LMO3: variants seen among roughly 807,000 people sequenced by gnomAD.
LMO3 encodes the protein LIM domain only 3.
LMO3 carries 2 observed loss-of-function variants against 15.8 expected under a neutral mutation model. That is an observed-to-expected ratio of 0.13 (90% CI 0.05 to 0.40). The LOEUF (loss-of-function observed/expected upper bound fraction) is 0.40. LMO3 is among the 10% of genes least tolerant of loss of function. The pLI is 0.99. For missense variants in LMO3, 86 were observed against 182.2 expected (o/e 0.47, Z 3.04); for synonymous variants, 62 against 63.8 (o/e 0.97, Z 0.13).
At chr12:16,574,781 C>A (rs1942939139) in intron 2 of LMO3, among the ~76,000 whole-genome samples, 1 of 152,138 alleles carries the variant, frequency 6.6e-6, no homozygotes, top group South Asian at 2.1e-4. Flanking sequence ...TTAATCCTTA[C>A]CATACATTTT....
rs1484083957 is a variant in LMO3, at chr12:16,597,659, C to T, written c.206+2996G>A. 1.3e-5 allele frequency: 2 copies of T among 151,816 alleles called. No homozygotes were observed. Among genetic ancestry groups the T allele is most frequent in the African/African-American group, 2.4e-5 (1 of 41,390 alleles). The allele number at this position is 151,816 out of a possible 1,614,324, so 9.4% of individuals were successfully genotyped here. ...TTACTATTTTATTACTTTCCTTATTCTTACTTATGTTCTTAATAATTTAGA... is the reference window on the plus strand; with the variant it reads ...TTACTATTTTATTACTTTCCTTATTTTTACTTATGTTCTTAATAATTTAGA... On this transcript the variant is annotated intron_variant, in intron 2 of 3. Transcript: ENST00000537304. The surrounding 1 kb of genome is among the most constrained non-coding windows in gnomAD (Gnocchi z 5.0).
In LMO3 at chr12:16,603,150, C is replaced by T. The variant is rs1391159906; in HGVS notation, c.-8-2282G>A. ...AGTAACACTACCCTACTTGTCTTCA[C>T]AAAATGTTTTTGTTGTGTTGACATT... is the stretch of plus-strand genomic sequence containing the variant. On this transcript the variant is annotated intron_variant, in intron 1 of 3. Transcript: ENST00000537304. This position sits in a 1 kb window ranked among gnomAD's most constrained non-coding sequence, Gnocchi z 4.9. 6.6e-6 allele frequency among the ~76,000 whole-genome samples: 1 copy of T among 152,136 alleles called. No individual in the cohort carries two copies. Among genetic ancestry groups the T allele is most frequent in the Non-Finnish European group, 1.5e-5 (1 of 68,030 alleles).
At chr12:16,554,502 C>T (rs774495234) in intron 3 of LMO3, among the ~76,000 whole-genome samples, 1 of 152,130 alleles carries the variant, frequency 6.6e-6, no homozygotes, top group African/African-American at 2.4e-5. Context: ...CCACTATACA[C>T]CTGTGAACAA....
chr12:16,594,497 T>C (rs1326158759), intron 2 of LMO3, among the ~76,000 whole-genome samples: 1 of 151,632 alleles, frequency 6.6e-6, no homozygotes, highest in Non-Finnish European at 1.5e-5. Context: ...ATATATTGTA[T>C]TTTTTATTGA....
Position 16,584,590 on chromosome 12 carries a change from G to A in LMO3, c.206+16065C>T, listed in dbSNP as rs377260965. On this transcript the variant is annotated intron_variant, in intron 2 of 3. Transcript: ENST00000537304. This position sits in a 1 kb window ranked among gnomAD's most constrained non-coding sequence, Gnocchi z 5.2. ...AACATTGGCAAGTGGAGGAGTGGGG[G>A]GGGTAAGAGGCCTGTTTAGAGGTGG... is the stretch of plus-strand genomic sequence containing the variant. Among the ~76,000 whole-genome samples, 12 of 152,086 alleles carry A rather than the reference G, an allele frequency of 7.9e-5. No individual in the cohort carries two copies. The highest frequency in any genetic ancestry group is 1.6e-4 in the Non-Finnish European group (11 of 68,024).
chr12:16,602,340 A>T (rs1943848777), intron 1 of LMO3: 1 of 149,848 alleles, frequency 6.7e-6, no homozygotes, highest in Non-Finnish European at 1.5e-5. Flanking sequence ...TAAAAAAAAA[A>T]TCCCACTGGT....
rs1174942231 is a variant in LMO3, at chr12:16,593,179, G to T, written c.206+7476C>A. 6.6e-6 allele frequency among the ~76,000 whole-genome samples: 1 copy of T among 151,804 alleles called. No homozygotes were observed. Among genetic ancestry groups the T allele is most frequent in the Non-Finnish European group, 1.5e-5 (1 of 67,824 alleles). On this transcript the variant is annotated intron_variant, in intron 2 of 3. Coordinates refer to ENST00000537304, the MANE Select transcript of LMO3 (RefSeq NM_018640.5). The surrounding 1 kb of genome is among the most constrained non-coding windows in gnomAD (Gnocchi z 4.2). ...TTTTTATTAATAGCTTGGGTTTAAT[G>T]TGGACGATGCTTCACTGCATTAGTG...
intron 2 of LMO3, among the ~76,000 whole-genome samples, chr12:16,566,037 TATAA>T (rs1942597266): frequency 5.8e-5 from 5 of 86,166 alleles, no homozygotes; most frequent in East Asian, 3.6e-4. Context: ...TATATATATA[TATAA>T]AATGGAGTAC....
intron 3 of LMO3, among the ~76,000 whole-genome samples, chr12:16,554,090 G>A (rs1220942321): frequency 2.0e-5 from 3 of 152,022 alleles, no homozygotes; most frequent in African/African-American, 7.2e-5. Flanking sequence ...CTGATGTTTT[G>A]GAATTAATAT....
At chr12:16,595,090 G>A (rs1049583830) in intron 2 of LMO3, among the ~76,000 whole-genome samples, 3 of 151,354 alleles carry the variant, frequency 2.0e-5, no homozygotes, top group African/African-American at 7.3e-5. Context: ...GCTAAGTCAG[G>A]TATGTCTAAC....
At chr12:16,561,290 A>G (rs199966099) in intron 2 of LMO3, among the ~76,000 whole-genome samples, 1 of 152,198 alleles carries the variant, frequency 6.6e-6, no homozygotes, top group Admixed American at 6.5e-5. Flanking sequence ...GTGAGGAAAT[A>G]TTTTATCCAT....
chr12:16,609,756 A>C (rs1439912974), upstream of LMO3: 9 of 152,160 alleles, frequency 5.9e-5, no homozygotes, highest in Admixed American at 5.9e-4. Flanking sequence ...GAGATCTCCC[A>C]CAAGAAAATA....
chr12:16,602,782 C>T (rs1943864341), intron 1 of LMO3, among the ~76,000 whole-genome samples: 2 of 152,130 alleles, frequency 1.3e-5, no homozygotes, highest in South Asian at 4.1e-4. Context: ...TTACAGTGAA[C>T]AACAGATCCA....
At chr12:16,558,552 C>T (rs1339983329) in intron 3 of LMO3, among the ~76,000 whole-genome samples, 1 of 151,928 alleles carries the variant, frequency 6.6e-6, no homozygotes, top group Non-Finnish European at 1.5e-5. Flanking sequence ...ATCCTTATCC[C>T]TACCAAAAAC....
At chr12:16,605,678 A>T in intron 1 of LMO3, 1 of 1,285,810 alleles carries the variant, frequency 7.8e-7, no homozygotes, top group Non-Finnish European at 1.1e-6. Context: ...CTAATTCCAA[A>T]CTCTCCCTGC....
At chr12:16,563,116 G>A (rs931432399) in intron 2 of LMO3, among the ~76,000 whole-genome samples, 3 of 152,192 alleles carry the variant, frequency 2.0e-5, no homozygotes, top group Admixed American at 6.5e-5. Flanking sequence ...ATATCCTAAT[G>A]ATGAATTATT....
At position 16,576,263 on chromosome 12, in the gene LMO3, G is replaced by A. The variant is rs999222670; in HGVS notation, c.207-15725C>T. Reference sequence around the variant, plus strand: ...CTACTGTATGCAGGATAGATGCAGGGAAGCATGAAAGGTCCATCCTGTCTG... The same window carrying A: ...CTACTGTATGCAGGATAGATGCAGGAAAGCATGAAAGGTCCATCCTGTCTG... On this transcript the variant is annotated intron_variant, in intron 2 of 3. Transcript: ENST00000537304. The surrounding 1 kb of genome is among the most constrained non-coding windows in gnomAD (Gnocchi z 4.1). 6.6e-6 allele frequency among the ~76,000 whole-genome samples: 1 copy of A among 152,056 alleles called. No homozygotes were observed. Among genetic ancestry groups the A allele is most frequent in the Non-Finnish European group, 1.5e-5 (1 of 68,014 alleles).
chr12:16,577,111 T>G (rs774903456), intron 2 of LMO3, among the ~76,000 whole-genome samples: 3 of 152,182 alleles, frequency 2.0e-5, no homozygotes, highest in Non-Finnish European at 2.9e-5. Flanking sequence ...GCAGAAAACT[T>G]GTGACTGGTA....
chr12:16,551,358 TAA>T (rs1481599282), intron 3 of LMO3, 31 bp from the exon 4 acceptor site: 1 of 1,272,226 alleles, frequency 7.9e-7, no homozygotes, highest in Non-Finnish European at 1.1e-6. Context: ...AAAATGTGGT[TAA>T]GACCATTTCA....
Sources: allele counts gnomAD v4.1 joint callset (sites outside exome capture counted in the v4.1 genomes callset), GRCh38; gene constraint gnomAD v4.1.1; non-coding constraint Gnocchi (gnomAD v3.1); transcripts MANE v1.5; gene names NCBI Gene and HGNC (gene_info 2026-07-23, HGNC 2026-07-21).